NRXN1: variants seen among roughly 807,000 people sequenced by gnomAD.
NRXN1 encodes neurexin-1.
In NRXN1, 39 loss-of-function variants were observed where a neutral mutation model predicts 150.9. The observed-to-expected ratio is 0.26, with a 90% CI of 0.20 to 0.34. NRXN1 has a LOEUF of 0.34. NRXN1 is among the 10% of genes least tolerant of loss of function. The pLI, the probability that NRXN1 is intolerant of heterozygous loss-of-function variation, is 1.00. For missense variants in NRXN1, 1,815 were observed against 1,949.9 expected, an observed-to-expected ratio of 0.93 and a Z score of 1.30; for synonymous variants, 924 against 757.0, an observed-to-expected ratio of 1.22 and a Z score of -3.62.
intron 5 of NRXN1, among the ~76,000 whole-genome samples, chr2:50,756,956 C>T (rs990653388): frequency 6.6e-5 from 10 of 151,828 alleles, no homozygotes; most frequent in South Asian, 6.2e-4. Context: ...CTTTGAAAAA[C>T]GGCTGTGTTG....
At chr2:50,639,048 AC>A (rs1176553596) in intron 5 of NRXN1, among the ~76,000 whole-genome samples, 1 of 151,980 alleles carries the variant, frequency 6.6e-6, no homozygotes, top group African/African-American at 2.4e-5. Flanking sequence ...ACGTTATTCA[AC>A]CTTTCCATTT....
chr2:50,025,464 A>T (rs1688142439), intron 21 of NRXN1, among the ~76,000 whole-genome samples: 1 of 152,236 alleles, frequency 6.6e-6, no homozygotes, highest in Non-Finnish European at 1.5e-5. Context: ...CATAAATGAC[A>T]TGTGCAATGT....
intron 4 of NRXN1, chr2:50,922,403 T>C (rs764964351): frequency 6.5e-5 from 38 of 580,570 alleles, no homozygotes; most frequent in Non-Finnish European, 1.1e-4. Context: ...TCAATCACAA[T>C]TTCTTATGTC....
chr2:50,361,135 G>A (rs2079158103), intron 17 of NRXN1, among the ~76,000 whole-genome samples: 1 of 152,136 alleles, frequency 6.6e-6, no homozygotes, highest in African/African-American at 2.4e-5. Context: ...GAAATTTATA[G>A]CACATAATGC....
chr2:51,030,882 T>TG (rs1327141807), intron 1 of NRXN1, among the ~76,000 whole-genome samples: 2 of 151,976 alleles, frequency 1.3e-5, no homozygotes, highest in African/African-American at 4.8e-5. Flanking sequence ...AGAAAACCTT[T>TG]TTTTTTTTCT....
chr2:50,466,719 A>G (rs989928293), intron 16 of NRXN1, among the ~76,000 whole-genome samples: 3 of 151,790 alleles, frequency 2.0e-5, no homozygotes, highest in Non-Finnish European at 4.4e-5. Context: ...GTATATATAT[A>G]ATGGTTAATT....
chr2:50,479,164 T>C (rs1382270224), intron 15 of NRXN1, among the ~76,000 whole-genome samples: 1 of 152,210 alleles, frequency 6.6e-6, no homozygotes, highest in Admixed American at 6.5e-5. Context: ...AAAATAACTT[T>C]TGCCAGGTAG....
At chr2:50,509,991 A>C (rs552063364) in intron 12 of NRXN1, among the ~76,000 whole-genome samples, 5 of 152,270 alleles carry the variant, frequency 3.3e-5, no homozygotes, top group African/African-American at 9.6e-5. Flanking sequence ...GTGAGGATAC[A>C]AAGAGAAGGT....
chr2:50,849,075 T>G (rs894362479), intron 5 of NRXN1, among the ~76,000 whole-genome samples: 5 of 152,164 alleles, frequency 3.3e-5, no homozygotes, highest in Non-Finnish European at 7.3e-5. Context: ...CCAACTCAAA[T>G]CTCTCCTCCT....
intron 18 of NRXN1, among the ~76,000 whole-genome samples, chr2:50,124,328 A>C (rs1704271910): frequency 6.6e-6 from 1 of 152,158 alleles, no homozygotes; most frequent in South Asian, 2.1e-4. Flanking sequence ...GACTTGTCTT[A>C]AGCAGGGAAT....
rs1181821314 is a variant in NRXN1 at position 49,919,370 on chromosome 2, A to G, written c.*2574T>C. ...TTAGAAATAATTTTGCTGATAATAAACTATATCAATCATTGCATGTAACTT... is the reference window on the plus strand; with the variant it reads ...TTAGAAATAATTTTGCTGATAATAAGCTATATCAATCATTGCATGTAACTT... On this transcript the variant is annotated 3_prime_UTR_variant, in exon 23 of 23. Coordinates refer to ENST00000401669, the MANE Select transcript of NRXN1 (RefSeq NM_001330078.2). 6.6e-6 allele frequency: 1 copy of G among 152,102 alleles called. No homozygotes were observed. The highest frequency in any genetic ancestry group is 1.5e-5 in the Non-Finnish European group (1 of 67,976). The allele number at this position is 152,102 out of a possible 1,614,324, so 9.4% of individuals were successfully genotyped here.
intron 17 of NRXN1, among the ~76,000 whole-genome samples, chr2:50,293,212 TG>T (rs1345437250): frequency 6.6e-6 from 1 of 152,130 alleles, no homozygotes; most frequent in African/African-American, 2.4e-5. Context: ...AGCCCCTGCT[TG>T]ACATCTGACT....
At chr2:50,573,198 C>T (rs1670912160) in intron 8 of NRXN1, among the ~76,000 whole-genome samples, 1 of 151,920 alleles carries the variant, frequency 6.6e-6, no homozygotes, top group Non-Finnish European at 1.5e-5. Flanking sequence ...AGCAAAACCT[C>T]ATCTCTATTA....
intron 18 of NRXN1, among the ~76,000 whole-genome samples, chr2:50,130,175 G>A (rs1475644341): frequency 6.6e-6 from 1 of 152,078 alleles, no homozygotes; most frequent in African/African-American, 2.4e-5. Flanking sequence ...GATGTGTGCA[G>A]GAGTAAAGAT....
At chr2:50,203,099 C>T (rs951062266) in intron 18 of NRXN1, among the ~76,000 whole-genome samples, 1 of 152,048 alleles carries the variant, frequency 6.6e-6, no homozygotes, top group African/African-American at 2.4e-5. Flanking sequence ...GAATCAAGGT[C>T]GTACTGCAGG....
At chr2:50,941,426 T>C (rs1689428453) in intron 2 of NRXN1, among the ~76,000 whole-genome samples, 1 of 152,180 alleles carries the variant, frequency 6.6e-6, no homozygotes. Context: ...GTTTGGAACT[T>C]CCTAGAGTCT....
intron 17 of NRXN1, among the ~76,000 whole-genome samples, chr2:50,301,018 A>C (rs529592427): frequency 6.6e-6 from 1 of 152,230 alleles, no homozygotes; most frequent in Non-Finnish European, 1.5e-5. Context: ...TTGACCAAGC[A>C]GATAAGGATG....
chr2:50,691,046 A>C (rs1291390801), intron 5 of NRXN1, among the ~76,000 whole-genome samples: 7 of 152,172 alleles, frequency 4.6e-5, no homozygotes, highest in Non-Finnish European at 7.4e-5. Flanking sequence ...ATTTTCTTGT[A>C]ATACTCCAAA....
chr2:50,189,221 A>G lies in NRXN1; in HGVS notation c.3546+47568T>C, dbSNP rs374021727. Among the ~76,000 whole-genome samples, 23 of 152,308 alleles carry G rather than the reference A, an allele frequency of 1.5e-4. 1 individual carries two copies. In the South Asian group the frequency reaches 3.3e-3, roughly 22 times the overall value. ...ATTACTTCATGTCCTTTCCAGGGAC[A>G]TGGATGGAGCTGGAAACCATCATTC... On this transcript the variant is annotated intron_variant, in intron 18 of 22. Coordinates refer to ENST00000401669, the MANE Select transcript of NRXN1 (RefSeq NM_001330078.2).
Sources: gnomAD v4.1 joint callset for allele counts (sites outside exome capture counted in the v4.1 genomes callset) on GRCh38, gnomAD v4.1.1 for gene constraint, MANE v1.5 for transcripts, NCBI Gene and HGNC (gene_info 2026-07-23, HGNC 2026-07-21) for gene names.